Variants in CAB39L observed in about 807,000 individuals in gnomAD.
CAB39L encodes calcium binding protein 39 like.
In CAB39L, 23 loss-of-function variants were observed where a neutral mutation model predicts 39.1. The ratio of observed to expected loss-of-function variants is 0.59; its 90% CI spans 0.42 to 0.83. CAB39L has a LOEUF of 0.83. Among genes scored for constraint, CAB39L ranks in the 40% least tolerant of loss-of-function variants. The pLI is 0.00. For missense variants in CAB39L, 366 were observed against 391.9 expected, an observed-to-expected ratio of 0.93 and a Z score of 0.56; for synonymous variants, 126 against 137.2, an observed-to-expected ratio of 0.92 and a Z score of 0.57.
At chr13:49,393,543 C>T (rs1330351188) in intron 3 of CAB39L, among the ~76,000 whole-genome samples, 1 of 151,824 alleles carries the variant, frequency 6.6e-6, no homozygotes, top group South Asian at 2.1e-4. Flanking sequence ...ATGACATTAT[C>T]TAAATTATGA....
At chr13:49,334,297 G>C (rs1294479364) in intron 9 of CAB39L, among the ~76,000 whole-genome samples, 2 of 152,146 alleles carry the variant, frequency 1.3e-5, no homozygotes, top group Non-Finnish European at 2.9e-5. Context: ...ATTAGAAAGT[G>C]AACGAATAAA....
intron 1 of CAB39L, among the ~76,000 whole-genome samples, chr13:49,435,781 G>A (rs1317072997): frequency 6.6e-6 from 1 of 152,198 alleles, no homozygotes; most frequent in Non-Finnish European, 1.5e-5. Context: ...GGTTATAGGT[G>A]TGAGCCACCA....
chr13:49,399,467 G>A lies in CAB39L; in HGVS notation c.-31-16526C>T, dbSNP rs74072579. ...ACATAATTATTTTATATTTAGTTTC[G>A]TCATTGGAATTGACTTTCTTATATT... On this transcript the variant is annotated intron_variant, in intron 3 of 10. Coordinates refer to ENST00000409308, the MANE Select transcript of CAB39L (RefSeq NM_001079670.3). Among the ~76,000 whole-genome samples the A allele has an allele frequency of 3.1e-3, 467 of 151,862 alleles. 4 individuals are homozygous for A. Among genetic ancestry groups the A allele is most frequent in the African/African-American group, 0.011 (440 of 41,434 alleles).
intron 5 of CAB39L, among the ~76,000 whole-genome samples, chr13:49,365,141 C>T (rs908180981): frequency 6.6e-6 from 1 of 152,162 alleles, no homozygotes; most frequent in Admixed American, 6.6e-5. Context: ...AGAAACAAAT[C>T]TACACACCTA....
At chr13:49,344,977 G>A (rs954876782) in intron 7 of CAB39L, among the ~76,000 whole-genome samples, 1 of 152,086 alleles carries the variant, frequency 6.6e-6, no homozygotes, top group African/African-American at 2.4e-5. Context: ...ATATAAACTT[G>A]CAGAAAACTG....
chr13:49,426,259 G>GT (rs1566135527), intron 3 of CAB39L, among the ~76,000 whole-genome samples: 2 of 152,178 alleles, frequency 1.3e-5, no homozygotes, highest in Non-Finnish European at 2.9e-5. Flanking sequence ...CCTTTTATGT[G>GT]ACTGAAAAGT....
rs372113178 is a variant in CAB39L, at chr13:49,359,672, A to G, written c.395+42T>C. ...CTAATGCTATGCACTTTTAACAACT[A>G]TTAAAAACTTAGCCCTACTTGAAAG... is the stretch of plus-strand genomic sequence containing the variant. On this transcript the variant is annotated intron_variant, in intron 6 of 10. Transcript: ENST00000409308. 4.4e-5 allele frequency: 45 copies of G among 1,029,036 alleles called. No homozygotes were observed. The African/African-American group carries it at 6.9e-4, about 16-fold the overall frequency. The allele number at this position is 1,029,036 out of a possible 1,614,324, so 63.7% of individuals were successfully genotyped here.
At chr13:49,442,805 A>AAAAC (rs1957558737) in intron 1 of CAB39L, among the ~76,000 whole-genome samples, 2 of 86,278 alleles carry the variant, frequency 2.3e-5, no homozygotes, top group African/African-American at 7.2e-5. Flanking sequence ...AAAAAAAAAA[A>AAAAC]AAAAAAAAAA....
intron 9 of CAB39L, among the ~76,000 whole-genome samples, chr13:49,338,924 T>TA (rs1416488965): frequency 6.6e-6 from 1 of 152,030 alleles, no homozygotes; most frequent in Non-Finnish European, 1.5e-5. Context: ...AAATATAGCA[T>TA]AAAAAATTCT....
intron 1 of CAB39L, among the ~76,000 whole-genome samples, chr13:49,436,714 ATTTAT>A (rs1446054181): frequency 1.3e-5 from 2 of 151,372 alleles, no homozygotes; most frequent in South Asian, 2.1e-4. Flanking sequence ...TTTTCTTTTG[ATTTAT>A]TTTATTTCCT....
intron 3 of CAB39L, among the ~76,000 whole-genome samples, chr13:49,388,121 G>A (rs1039308409): frequency 6.6e-6 from 1 of 152,114 alleles, no homozygotes; most frequent in Non-Finnish European, 1.5e-5. Context: ...AGTGTGTATG[G>A]ATACATATCT....
chr13:49,439,707 G>GT (rs1156432864), intron 1 of CAB39L, among the ~76,000 whole-genome samples: 2 of 152,142 alleles, frequency 1.3e-5, no homozygotes, highest in African/African-American at 4.8e-5. Flanking sequence ...CCAACCGTGT[G>GT]TAAGTGTTCC....
At chr13:49,425,460 A>G (rs886159356) in intron 3 of CAB39L, among the ~76,000 whole-genome samples, 1 of 152,210 alleles carries the variant, frequency 6.6e-6, no homozygotes, top group African/African-American at 2.4e-5. Flanking sequence ...GATGAGTATA[A>G]AAGTTCAGTT....
intron 7 of CAB39L, among the ~76,000 whole-genome samples, chr13:49,344,502 TG>T (rs1272004975): frequency 6.6e-6 from 1 of 150,924 alleles, no homozygotes. Context: ...GTGAAACAAA[TG>T]GAACTTGAGA....
chr13:49,310,773 A>G lies in CAB39L; in HGVS notation c.*41T>C, dbSNP rs1953958972. On this transcript the variant is annotated 3_prime_UTR_variant, in exon 11 of 11. Transcript: ENST00000409308. Reference sequence around the variant, plus strand: ...TGAAATGACACACTGTACAAACTGGACAAATGAGACGACTGACTGTGACAG... The same window carrying G: ...TGAAATGACACACTGTACAAACTGGGCAAATGAGACGACTGACTGTGACAG... The G allele has an allele frequency of 6.3e-7, 1 of 1,599,354 alleles. No individual in the cohort carries two copies. The highest frequency in any genetic ancestry group is 1.7e-5 in the Admixed American group (1 of 58,480).
intron 10 of CAB39L, among the ~76,000 whole-genome samples, chr13:49,330,140 C>T (rs913921233): frequency 6.6e-6 from 1 of 152,190 alleles, no homozygotes; most frequent in Non-Finnish European, 1.5e-5. Context: ...GCTACCAGAA[C>T]AAGAAATACA....
chr13:49,436,762 C>T (rs1957425072), intron 1 of CAB39L, among the ~76,000 whole-genome samples: 1 of 152,012 alleles, frequency 6.6e-6, no homozygotes, highest in Non-Finnish European at 1.5e-5. Context: ...ATATCTTCCT[C>T]TTTTTGTCCA....
intron 3 of CAB39L, among the ~76,000 whole-genome samples, chr13:49,429,038 T>C (rs1957282300): frequency 6.6e-6 from 1 of 152,238 alleles, no homozygotes; most frequent in Admixed American, 6.5e-5. Context: ...TATAATTATA[T>C]AGCATTTTAT....
chr13:49,406,687 AT>A (rs1956888325), intron 3 of CAB39L, among the ~76,000 whole-genome samples: 2 of 152,186 alleles, frequency 1.3e-5, no homozygotes, highest in South Asian at 2.1e-4. Context: ...CTCCAAAAAA[AT>A]AGTTTGTTTT....
Sources: gnomAD v4.1 joint callset for allele counts (sites outside exome capture counted in the v4.1 genomes callset) on GRCh38, gnomAD v4.1.1 for gene constraint, MANE v1.5 for transcripts, NCBI Gene and HGNC (gene_info 2026-07-23, HGNC 2026-07-21) for gene names.